ZNF804B: variants seen among roughly 807,000 people sequenced by gnomAD.
ZNF804B encodes the protein zinc finger 804B.
ZNF804B carries 80 observed loss-of-function variants against 101.4 expected under a neutral mutation model. The ratio of observed to expected loss-of-function variants is 0.79; its 90% CI spans 0.66 to 0.95. The LOEUF is 0.95. ZNF804B is among the 40% of genes least tolerant of loss of function. The pLI, the probability that ZNF804B is intolerant of heterozygous loss-of-function variation, is 0.00. For missense variants in ZNF804B, 1,673 were observed against 1,561.9 expected, an observed-to-expected ratio of 1.07 and a Z score of -1.20; for synonymous variants, 622 against 558.8, an observed-to-expected ratio of 1.11 and a Z score of -1.59.
intron 1 of ZNF804B, among the ~76,000 whole-genome samples, chr7:88,877,122 C>T (rs1364230607): frequency 1.6e-4 from 19 of 122,258 alleles, no homozygotes; most frequent in Non-Finnish European, 2.5e-4. Context: ...TGCAGTGGCA[C>T]GATCTCAGCT....
chr7:89,135,774 A>G (rs187861996), intron 1 of ZNF804B, among the ~76,000 whole-genome samples: 94 of 152,204 alleles, frequency 6.2e-4, no homozygotes, highest in African/African-American at 2.2e-3. Flanking sequence ...TGTCTACTTT[A>G]GGCATCATTC....
intron 1 of ZNF804B, among the ~76,000 whole-genome samples, chr7:88,989,629 A>G (rs1224455864): frequency 1.3e-5 from 2 of 152,124 alleles, no homozygotes; most frequent in Admixed American, 6.6e-5. Flanking sequence ...AATCATCACC[A>G]TAGTCAGATA....
intron 3 of ZNF804B, among the ~76,000 whole-genome samples, chr7:89,327,926 TA>T (rs1187813278): frequency 6.6e-6 from 1 of 151,984 alleles, no homozygotes; most frequent in Non-Finnish European, 1.5e-5. Context: ...TTAATGCAGT[TA>T]AATTTACCAC....
At chr7:89,204,344 C>G (rs1257599557) in intron 1 of ZNF804B, among the ~76,000 whole-genome samples, 3 of 152,092 alleles carry the variant, frequency 2.0e-5, no homozygotes, top group African/African-American at 4.8e-5. Context: ...GTTATACCTA[C>G]CTGTGGGCTG....
chr7:89,194,630 C>T lies in ZNF804B; in HGVS notation c.109-23525C>T, dbSNP rs757087023. Reference sequence around the variant, plus strand: ...CAAAGATCAGATAGTTGTAGATATGCGGTGTTATTTCTGAGGGCTCTGTCC... The same window carrying T: ...CAAAGATCAGATAGTTGTAGATATGTGGTGTTATTTCTGAGGGCTCTGTCC... On this transcript the variant is annotated intron_variant, in intron 1 of 3. Coordinates refer to ENST00000333190, the MANE Select transcript of ZNF804B (RefSeq NM_181646.5). Among the ~76,000 whole-genome samples the T allele has an allele frequency of 1.3e-3, 203 of 151,024 alleles. 3 individuals are homozygous for T. The highest frequency in any genetic ancestry group is 2.1e-3 in the South Asian group (10 of 4,762).
chr7:89,264,042 G>A (rs1027584061), intron 2 of ZNF804B, among the ~76,000 whole-genome samples: 11 of 152,254 alleles, frequency 7.2e-5, no homozygotes, highest in Middle Eastern at 6.8e-3. Flanking sequence ...TATTAAGACA[G>A]TACATAAAAC....
chr7:89,231,981 G>T (rs1033938272), intron 2 of ZNF804B, among the ~76,000 whole-genome samples: 1 of 152,022 alleles, frequency 6.6e-6, no homozygotes, highest in Non-Finnish European at 1.5e-5. Context: ...TGCAGAAATG[G>T]CCACTTTTGT....
intron 1 of ZNF804B, among the ~76,000 whole-genome samples, chr7:89,012,391 TCTC>T (rs1204327819): frequency 6.6e-6 from 1 of 152,166 alleles, no homozygotes; most frequent in African/African-American, 2.4e-5. Flanking sequence ...TGCTTGAATT[TCTC>T]CTCAGAAAAT....
chr7:88,962,151 T>C (rs952507868), intron 1 of ZNF804B, among the ~76,000 whole-genome samples: 2 of 151,290 alleles, frequency 1.3e-5, no homozygotes, highest in African/African-American at 4.8e-5. Context: ...CTGAGGTTTT[T>C]ATAGACCTAA....
At chr7:89,305,598 C>A (rs1204427106) in intron 2 of ZNF804B, among the ~76,000 whole-genome samples, 1 of 151,724 alleles carries the variant, frequency 6.6e-6, no homozygotes, top group African/African-American at 2.4e-5. Context: ...TAACAAATTT[C>A]CTATAGTTGA....
At chr7:89,298,111 C>T (rs1469923863) in intron 2 of ZNF804B, among the ~76,000 whole-genome samples, 37 of 106,814 alleles carry the variant, frequency 3.5e-4, no homozygotes, top group Middle Eastern at 4.5e-3. Flanking sequence ...TTGACAAAGG[C>T]CTCTATTTCA....
At chr7:88,998,211 A>G (rs1297059875) in intron 1 of ZNF804B, among the ~76,000 whole-genome samples, 1 of 151,996 alleles carries the variant, frequency 6.6e-6, no homozygotes, top group Non-Finnish European at 1.5e-5. Context: ...ATTATTTTTA[A>G]TATGCTCCCC....
At chr7:89,026,557 A>T (rs1365670701) in intron 1 of ZNF804B, among the ~76,000 whole-genome samples, 1 of 152,198 alleles carries the variant, frequency 6.6e-6, no homozygotes, top group Non-Finnish European at 1.5e-5. Context: ...TTATGAAATA[A>T]TGGTGACTTG....
chr7:89,289,646 A>G (rs10236757), intron 2 of ZNF804B, among the ~76,000 whole-genome samples: 1,942 of 151,662 alleles, frequency 0.013, 46 homozygotes, highest in African/African-American at 0.042. Context: ...GTGCCCATTC[A>G]TGGAGGGAGC....
intron 1 of ZNF804B, among the ~76,000 whole-genome samples, chr7:88,883,354 T>A (rs545963791): frequency 1.2e-4 from 18 of 152,126 alleles, no homozygotes; most frequent in African/African-American, 4.1e-4. Flanking sequence ...AGGCAGAGAG[T>A]TGGTGTTTCC....
intron 1 of ZNF804B, among the ~76,000 whole-genome samples, chr7:88,900,057 T>C (rs550583956): frequency 6.6e-5 from 10 of 152,248 alleles, no homozygotes; most frequent in African/African-American, 2.4e-4. Flanking sequence ...AAGGCTGTGT[T>C]TAACATTGAA....
At chr7:88,999,215 G>T (rs1467982753) in intron 1 of ZNF804B, among the ~76,000 whole-genome samples, 1 of 151,892 alleles carries the variant, frequency 6.6e-6, no homozygotes, top group East Asian at 1.9e-4. Context: ...ATTTCTTACT[G>T]AAAATATTTA....
intron 2 of ZNF804B, among the ~76,000 whole-genome samples, chr7:89,319,675 G>C (rs1430289724): frequency 6.6e-6 from 1 of 152,152 alleles, no homozygotes; most frequent in Non-Finnish European, 1.5e-5. Flanking sequence ...TGAGATAGAA[G>C]AATACTGATA....
chr7:89,280,685 C>T (rs1054212320), intron 2 of ZNF804B, among the ~76,000 whole-genome samples: 2 of 152,178 alleles, frequency 1.3e-5, no homozygotes, highest in Admixed American at 6.5e-5. Context: ...GACACATACA[C>T]TCTCCCAAGA....
Sources: allele counts gnomAD v4.1 joint callset (sites outside exome capture counted in the v4.1 genomes callset), GRCh38; gene constraint gnomAD v4.1.1; transcripts MANE v1.5; gene names NCBI Gene and HGNC (gene_info 2026-07-23, HGNC 2026-07-21).